Variants in AHNAK observed in about 807,000 individuals in gnomAD.
AHNAK encodes neuroblast differentiation-associated protein AHNAK.
AHNAK carries 23 observed loss-of-function variants against 37.8 expected under a neutral mutation model. The observed-to-expected ratio is 0.61, with a 90% CI of 0.44 to 0.86. AHNAK has a LOEUF of 0.86. AHNAK is among the 40% of genes least tolerant of loss of function. The pLI, the probability that AHNAK is intolerant of heterozygous loss-of-function variation, is 0.00. For missense variants in AHNAK, 7,411 were observed against 7,319.4 expected, an observed-to-expected ratio of 1.01 and a Z score of -0.46; for synonymous variants, 2,481 against 2,636.3, an observed-to-expected ratio of 0.94 and a Z score of 1.80.
intron 5 of AHNAK, among the ~76,000 whole-genome samples, chr11:62,486,437 T>C (rs933822038): frequency 2.6e-5 from 4 of 151,372 alleles, no homozygotes; most frequent in African/African-American, 7.3e-5. Flanking sequence ...TGTGCCATTT[T>C]ACTCCAGCCT....
In AHNAK at chr11:62,520,669, A is replaced by T. The variant is rs765642321; in HGVS notation, c.13748T>A (p.Met4583Lys). The T allele has an allele frequency of 6.2e-6, 10 of 1,614,112 alleles. 1 individual carries two copies. The Middle Eastern group carries it at 4.9e-4, about 80-fold the overall frequency. Reference protein sequence around the residue: ...EGKLKGPKFKMPDLHLKAPKI... With the variant: ...EGKLKGPKFKKPDLHLKAPKI... ...CGGTGCCTTGAGGTGTAAGTCAGGC[A>T]TTTTAAATTTGGGGCCCTTCAGTTT... Residue 4583 changes from methionine to lysine, a missense_variant, in exon 5 of 5, where the codon ATG becomes AAG. By Grantham distance (95) the Met-to-Lys change is moderately conservative. Transcript: ENST00000378024.
intron 5 of AHNAK, among the ~76,000 whole-genome samples, chr11:62,475,602 CTTTTTTTT>C (rs55773953): frequency 0.43 from 51,140 of 118,226 alleles, 11,983 homozygotes; most frequent in Non-Finnish European, 0.55. Flanking sequence ...TTATGTTATA[CTTTTTTTT>C]TTTTTTTTTT....
chr11:62,475,748 G>A (rs997212492), intron 5 of AHNAK, among the ~76,000 whole-genome samples: 3 of 151,482 alleles, frequency 2.0e-5, no homozygotes, highest in African/African-American at 7.3e-5. Context: ...GGGATTACAG[G>A]CGCCCGCCAT....
At chr11:62,450,335 TTTG>T (rs564924222) in intron 5 of AHNAK, among the ~76,000 whole-genome samples, 4 of 151,368 alleles carry the variant, frequency 2.6e-5, no homozygotes, top group African/African-American at 4.9e-5. Context: ...TTTTTTTGTA[TTTG>T]TTGTTGTTGT....
chr11:62,490,647 G>A (rs1035986290), intron 5 of AHNAK, among the ~76,000 whole-genome samples: 25 of 152,146 alleles, frequency 1.6e-4, no homozygotes, highest in Admixed American at 4.6e-4. Flanking sequence ...CCACAGGAGC[G>A]GATAGAAGGA....
chr11:62,484,400 A>G (rs942181991), intron 5 of AHNAK, among the ~76,000 whole-genome samples: 1 of 152,100 alleles, frequency 6.6e-6, no homozygotes, highest in African/African-American at 2.4e-5. Context: ...TAAATAAATA[A>G]ATAAATAACA....
intron 5 of AHNAK, among the ~76,000 whole-genome samples, chr11:62,479,312 C>A (rs1305760597): frequency 1.3e-5 from 2 of 151,804 alleles, no homozygotes; most frequent in South Asian, 2.1e-4. Flanking sequence ...GGATTACAGG[C>A]ATGCACCACC....
chr11:62,481,003 G>A (rs1179549808), intron 5 of AHNAK, among the ~76,000 whole-genome samples: 3 of 151,966 alleles, frequency 2.0e-5, no homozygotes, highest in South Asian at 2.1e-4. Flanking sequence ...AACCCGAGGC[G>A]CTCCTGTAGC....
At chr11:62,468,234 G>A (rs1269145762) in intron 5 of AHNAK, among the ~76,000 whole-genome samples, 1 of 152,064 alleles carries the variant, frequency 6.6e-6, no homozygotes, top group Non-Finnish European at 1.5e-5. Flanking sequence ...TGTAGTCCTA[G>A]CTACTTGGGA....
chr11:62,531,937 A>G lies in AHNAK; in HGVS notation c.2480T>C (p.Leu827Pro). The G allele has an allele frequency of 1.2e-6, 2 of 1,613,748 alleles. No individual in the cohort carries two copies. The highest frequency in any genetic ancestry group is 1.7e-6 in the Non-Finnish European group (2 of 1,179,952). Reference sequence around the variant, plus strand: ...TTCTCCCTTTACGTTAGGGCCTTTCAGATGTAAGTCCACATCAGGCATGGA... The same window carrying G: ...TTCTCCCTTTACGTTAGGGCCTTTCGGATGTAAGTCCACATCAGGCATGGA... ...KISMPDVDLH[L>P]KGPNVKGEYD... The change falls in exon 5 of 5, where the codon CTG (leucine) becomes CCG (proline). Residue 827 changes from leucine to proline, a missense_variant. Leu to Pro is a moderately conservative substitution (Grantham distance 98). Coordinates refer to ENST00000378024, the MANE Select transcript of AHNAK (RefSeq NM_001620.3).
chr11:62,531,735 G>A lies in AHNAK; in HGVS notation c.2682C>T (p.Gly894=), dbSNP rs1184202733. 2.4e-5 allele frequency: 39 copies of A among 1,613,734 alleles called. No homozygotes were observed. Among genetic ancestry groups the A allele is most frequent in the Non-Finnish European group, 3.3e-5 (39 of 1,179,974 alleles). Residue 894 remains glycine (G), a synonymous_variant, in exon 5 of 5, where the codon GGC becomes GGT. Transcript: ENST00000378024. ...TGGGCAGGTTCACATCCACTTCTGGGCCCTCTGCTTTGAAGCCAGGCATGC... is the reference window on the plus strand; with the variant it reads ...TGGGCAGGTTCACATCCACTTCTGGACCCTCTGCTTTGAAGCCAGGCATGC... ...KFSMPGFKAE[G]PEVDVNLPKA...
Position 62,519,295 on chromosome 11 carries a change from C to A in AHNAK, c.15122G>T (p.Gly5041Val). ...SGPKIKAKKQ[G>V]FDLNVPGGEI... ...ACCCCCAGGAACATTCAGGTCAAAT[C>A]CCTGTTTTTTGGCCTTAATCTTAGG... The change falls in exon 5 of 5, where the codon GGA (glycine) becomes GTA (valine). Residue 5041 changes from glycine (G) to valine (V), a missense_variant. By Grantham distance (109) the Gly-to-Val change is moderately radical (BLOSUM62 -3). Coordinates refer to ENST00000378024, the MANE Select transcript of AHNAK (RefSeq NM_001620.3). The A allele has an allele frequency of 6.2e-7, 1 of 1,614,110 alleles. No homozygotes were observed. Among genetic ancestry groups the A allele is most frequent in the Non-Finnish European group, 8.5e-7 (1 of 1,179,998 alleles).
chr11:62,445,102 C>T (rs1345953297), intron 5 of AHNAK, among the ~76,000 whole-genome samples: 3 of 152,132 alleles, frequency 2.0e-5, no homozygotes, highest in Non-Finnish European at 4.4e-5. Flanking sequence ...CTCACCCTGC[C>T]AGACAGCGAT....
chr11:62,518,863 G>T lies in AHNAK; in HGVS notation c.15554C>A (p.Pro5185Gln), dbSNP rs116797830. Residue 5185 changes from proline (P) to glutamine (Q), a missense_variant, in exon 5 of 5, where the codon CCG (proline) becomes CAG (glutamine). Physicochemically the swap from Pro to Gln is moderately conservative, Grantham distance 76. Transcript: ENST00000378024. The stretch of plus-strand genomic sequence containing the variant: ...TTGAGGGGCAGAAATGCCGAAGGAC[G>T]GTGTTTTGACTTTAGCATCTAGGCC... ...IEGLDAKVKT[P>Q]SFGISAPQVS... The T allele has an allele frequency of 3.1e-6, 5 of 1,614,068 alleles. No individual in the cohort carries two copies. The African/African-American group carries it at 6.7e-5, about 22-fold the overall frequency.
chr11:62,528,175 C>A lies in AHNAK; in HGVS notation c.6242G>T (p.Gly2081Val), dbSNP rs1940576631. The A allele has an allele frequency of 6.2e-7, 1 of 1,613,802 alleles. No individual in the cohort carries two copies. The highest frequency in any genetic ancestry group is 1.3e-5 in the African/African-American group (1 of 74,832). The change falls in exon 5 of 5, where the codon GGA becomes GTA. Residue 2081 changes from glycine (G) to valine (V), a missense_variant. Transcript: ENST00000378024. ...NLPKADVVVSGPKVDVEVPDV... is the reference protein window; with the variant it reads ...NLPKADVVVSVPKVDVEVPDV... ...TGGGACTTCAACATCCACCTTGGGT[C>A]CTGAGACAACAACATCAGCCTTGGG...
intron 5 of AHNAK, among the ~76,000 whole-genome samples, chr11:62,452,437 C>G (rs1938560574): frequency 6.6e-6 from 1 of 152,134 alleles, no homozygotes. Context: ...TTCCACAGGT[C>G]AAGGGCTGAG....
intron 5 of AHNAK, among the ~76,000 whole-genome samples, chr11:62,438,264 A>C (rs1416406632): frequency 6.8e-6 from 1 of 146,764 alleles, no homozygotes; most frequent in Non-Finnish European, 1.5e-5. Context: ...GCTCACTGCA[A>C]CTCTGCCTCC....
chr11:62,532,476 A>T lies in AHNAK; in HGVS notation c.1941T>A (p.Asp647Glu), dbSNP rs1940792637. The change falls in exon 5 of 5, where the codon GAT becomes GAA. Residue 647 changes from aspartate to glutamate, a missense_variant. Transcript: ENST00000378024. ...CTCCTTTGGGTAGAGTCATATGAAC[A>T]TCTGGACCTTCCCCTTTGGCTCCTG... ...STPGAKGEGP[D>E]VHMTLPKGDI... 19 of 1,613,510 alleles carry T rather than the reference A, an allele frequency of 1.2e-5. No individual in the cohort carries two copies. The highest frequency in any genetic ancestry group is 1.6e-5 in the Non-Finnish European group (19 of 1,179,892).
chr11:62,479,160 C>CTTTTTTTTTTTTTT (rs1939210250), intron 5 of AHNAK, among the ~76,000 whole-genome samples: 1 of 78,430 alleles, frequency 1.3e-5, no homozygotes, highest in Admixed American at 2.1e-4. Flanking sequence ...CTTTTTTTTT[C>CTTTTTTTTTTTTTT]TTTTTTCTTT....
Sources: allele counts gnomAD v4.1 joint callset (sites outside exome capture counted in the v4.1 genomes callset), GRCh38; gene constraint gnomAD v4.1.1; transcripts MANE v1.5; gene names NCBI Gene and HGNC (gene_info 2026-07-23, HGNC 2026-07-21).